CSMD3: variants seen among roughly 807,000 people sequenced by gnomAD.
CSMD3 encodes CUB and Sushi multiple domains 3, also known as CUB and sushi domain-containing protein 3.
In CSMD3, 177 loss-of-function variants were observed where a neutral mutation model predicts 435.2. That is an observed-to-expected ratio of 0.41 (90% CI 0.36 to 0.46). The LOEUF (loss-of-function observed/expected upper bound fraction) is 0.46, where lower values mean the gene tolerates loss of function less well. Among genes scored for constraint, CSMD3 ranks in the 20% least tolerant of loss-of-function variants. The pLI is 0.34. For missense variants in CSMD3, 4,265 were observed against 4,504.6 expected, an observed-to-expected ratio of 0.95 and a Z score of 1.52; for synonymous variants, 1,656 against 1,520.5, an observed-to-expected ratio of 1.09 and a Z score of -2.07.
chr8:113,034,696 C>T (rs992622512), intron 5 of CSMD3, among the ~76,000 whole-genome samples: 1 of 151,996 alleles, frequency 6.6e-6, no homozygotes, highest in Non-Finnish European at 1.5e-5. Flanking sequence ...TAAATTATAT[C>T]TCAGCAAAGG....
intron 38 of CSMD3, among the ~76,000 whole-genome samples, chr8:112,369,690 C>G (rs376012854): frequency 2.6e-5 from 4 of 151,990 alleles, no homozygotes; most frequent in African/African-American, 7.2e-5. Context: ...GGGAGGGGAA[C>G]ATCACATACC....
intron 3 of CSMD3, among the ~76,000 whole-genome samples, chr8:113,248,440 A>T (rs1253350771): frequency 2.6e-5 from 2 of 76,126 alleles, no homozygotes; most frequent in East Asian, 3.8e-4. Flanking sequence ...ATTTGGAGGA[A>T]ATAATATGGA....
intron 45 of CSMD3, among the ~76,000 whole-genome samples, chr8:112,326,139 G>A (rs1191172720): frequency 2.6e-5 from 4 of 152,094 alleles, no homozygotes; most frequent in Non-Finnish European, 5.9e-5. Flanking sequence ...GAATAAAATT[G>A]AGGCATGTTG....
At chr8:112,898,728 A>C (rs964000036) in intron 10 of CSMD3, among the ~76,000 whole-genome samples, 1 of 151,264 alleles carries the variant, frequency 6.6e-6, no homozygotes, top group African/African-American at 2.4e-5. Flanking sequence ...TTTCATACAA[A>C]ATTACAGAAA....
rs547979785 is a variant in CSMD3, at chr8:113,032,809, A to G, written c.918-13630T>C. On this transcript the variant is annotated intron_variant, in intron 5 of 70. Transcript: ENST00000297405. ...AGAGAACTTCACAGCAGCTCCTCCC[A>G]TTCCAGGCCTAGGAGGAAAAAATGG... Among the ~76,000 whole-genome samples the G allele has an allele frequency of 5.3e-5, 8 of 151,658 alleles. No homozygotes were observed. In the East Asian group the frequency reaches 1.4e-3, roughly 26 times the overall value.
At chr8:112,463,084 G>T (rs1031690095) in intron 32 of CSMD3, among the ~76,000 whole-genome samples, 1 of 152,162 alleles carries the variant, frequency 6.6e-6, no homozygotes, top group Non-Finnish European at 1.5e-5. Flanking sequence ...AGGGCTGGGC[G>T]CAGTGGCTCC....
chr8:113,419,110 TG>T (rs1214484243), intron 1 of CSMD3, among the ~76,000 whole-genome samples: 1 of 148,396 alleles, frequency 6.7e-6, no homozygotes, highest in African/African-American at 2.4e-5. Flanking sequence ...TGTATACACT[TG>T]TTTTTTTTGG....
chr8:112,574,253 C>T (rs1002386523), intron 23 of CSMD3, among the ~76,000 whole-genome samples: 1 of 152,000 alleles, frequency 6.6e-6, no homozygotes, highest in Non-Finnish European at 1.5e-5. Flanking sequence ...GAAAGTATAA[C>T]TGCTTATTGC....
At chr8:112,549,325 A>G (rs1325360914) in intron 27 of CSMD3, among the ~76,000 whole-genome samples, 1 of 152,040 alleles carries the variant, frequency 6.6e-6, no homozygotes, top group Non-Finnish European at 1.5e-5. Flanking sequence ...ATTCGGAGCC[A>G]TTTATATTCA....
chr8:112,978,214 T>A (rs1455890525), intron 6 of CSMD3, among the ~76,000 whole-genome samples: 3 of 152,002 alleles, frequency 2.0e-5, no homozygotes, highest in African/African-American at 4.8e-5. Flanking sequence ...TAAGCTAAAT[T>A]TATGAGAAAT....
intron 30 of CSMD3, among the ~76,000 whole-genome samples, chr8:112,493,747 T>C (rs1375259820): frequency 6.6e-6 from 1 of 152,170 alleles, no homozygotes; most frequent in Non-Finnish European, 1.5e-5. Flanking sequence ...ATTAGCTCAT[T>C]CATTTTATGG....
chr8:112,300,068 T>G (rs1820763468), intron 53 of CSMD3, among the ~76,000 whole-genome samples: 1 of 149,050 alleles, frequency 6.7e-6, no homozygotes, highest in Non-Finnish European at 1.5e-5. Context: ...TTTAAAATGC[T>G]TTTAAAATTT....
intron 3 of CSMD3, among the ~76,000 whole-genome samples, chr8:113,218,420 C>A (rs1588298081): frequency 7.0e-6 from 1 of 141,972 alleles, no homozygotes; most frequent in South Asian, 2.2e-4. Flanking sequence ...TATTTTTGTT[C>A]AGTTAATTAT....
At chr8:113,136,664 T>C (rs1438974806) in intron 4 of CSMD3, among the ~76,000 whole-genome samples, 1 of 151,410 alleles carries the variant, frequency 6.6e-6, no homozygotes, top group Non-Finnish European at 1.5e-5. Context: ...AAGAGGTGAA[T>C]GGAAAGTGAG....
intron 3 of CSMD3, among the ~76,000 whole-genome samples, chr8:113,196,830 T>C (rs1379881986): frequency 6.6e-6 from 1 of 151,274 alleles, no homozygotes; most frequent in Non-Finnish European, 1.5e-5. Flanking sequence ...TAAATTCACT[T>C]TTCTCATATA....
intron 4 of CSMD3, among the ~76,000 whole-genome samples, chr8:113,170,930 C>T (rs1179369346): frequency 6.6e-6 from 1 of 151,402 alleles, no homozygotes; most frequent in Admixed American, 6.6e-5. Flanking sequence ...TCAAATCTTG[C>T]TGGGACCTGG....
At chr8:112,418,969 G>T (rs1245613828) in intron 32 of CSMD3, among the ~76,000 whole-genome samples, 1 of 152,130 alleles carries the variant, frequency 6.6e-6, no homozygotes, top group African/African-American at 2.4e-5. Flanking sequence ...TTTGTGTTCA[G>T]ATGTGTGTCC....
At chr8:113,295,629 C>T (rs1015706881) in intron 2 of CSMD3, among the ~76,000 whole-genome samples, 2 of 152,118 alleles carry the variant, frequency 1.3e-5, no homozygotes, top group Admixed American at 1.3e-4. Flanking sequence ...TGTTAGCTCA[C>T]GCCTCTAATC....
chr8:112,240,930 G>T (rs1201512423), intron 66 of CSMD3, among the ~76,000 whole-genome samples: 5 of 151,938 alleles, frequency 3.3e-5, no homozygotes, highest in Non-Finnish European at 7.4e-5. Flanking sequence ...GCTCCTACTT[G>T]TCTTCCTCCA....
Sources: allele counts gnomAD v4.1 joint callset (sites outside exome capture counted in the v4.1 genomes callset), GRCh38; gene constraint gnomAD v4.1.1; transcripts MANE v1.5; gene names NCBI Gene and HGNC (gene_info 2026-07-23, HGNC 2026-07-21).